The following CRB1 variants were observed in gnomAD, a reference collection of about 807,000 sequenced individuals.
The protein encoded by CRB1 is crumbs cell polarity complex component 1, also known as protein crumbs homolog 1.
A neutral mutation model predicts 120.0 loss-of-function variants in CRB1; 83 were observed. That is an observed-to-expected ratio of 0.69 (90% CI 0.58 to 0.83). CRB1 has a LOEUF of 0.83. CRB1 is among the 40% of genes least tolerant of loss of function. The pLI, the probability that CRB1 is intolerant of heterozygous loss-of-function variation, is 0.00. For synonymous variants in CRB1, 625 were observed against 612.5 expected, an observed-to-expected ratio of 1.02 and a Z score of -0.30; for missense variants, 1,699 against 1,687.6, an observed-to-expected ratio of 1.01 and a Z score of -0.12.
At chr1:197,271,000 G>A (rs971233493) in intron 1 of CRB1, among the ~76,000 whole-genome samples, 1 of 152,064 alleles carries the variant, frequency 6.6e-6, no homozygotes, top group African/African-American at 2.4e-5. Flanking sequence ...TTCAAGACCA[G>A]CCTGGGCAAC....
intron 1 of CRB1, among the ~76,000 whole-genome samples, chr1:197,311,115 C>G (rs191450911): frequency 6.6e-6 from 1 of 152,308 alleles, no homozygotes; most frequent in East Asian, 1.9e-4. Context: ...GCATTAGTCA[C>G]AGTAGCCAAG....
chr1:197,285,481 T>C (rs1028974595), intron 1 of CRB1, among the ~76,000 whole-genome samples: 2 of 151,938 alleles, frequency 1.3e-5, no homozygotes, highest in African/African-American at 4.8e-5. Flanking sequence ...TGTTACTACT[T>C]ATAAAGCCTC....
chr1:197,339,124 C>T (rs992381547), intron 2 of CRB1, among the ~76,000 whole-genome samples: 5 of 152,206 alleles, frequency 3.3e-5, no homozygotes, highest in African/African-American at 7.2e-5. Context: ...AGCCAGAAAT[C>T]TCATTGGCTA....
intron 11 of CRB1, among the ~76,000 whole-genome samples, chr1:197,447,952 A>G (rs954544181): frequency 5.9e-5 from 9 of 151,590 alleles, no homozygotes; most frequent in African/African-American, 2.2e-4. Flanking sequence ...CCCTATTGCT[A>G]TCTTCCAAGC....
At chr1:197,351,504 G>T (rs1465176896) in intron 4 of CRB1, among the ~76,000 whole-genome samples, 1 of 152,108 alleles carries the variant, frequency 6.6e-6, no homozygotes, top group Admixed American at 6.5e-5. Context: ...CTGGGGAGCA[G>T]GACTAAAGCC....
chr1:197,429,521 A>G lies in CRB1; in HGVS notation c.2749A>G (p.Thr917Ala). The G allele has an allele frequency of 6.2e-7, 1 of 1,613,844 alleles. No homozygotes were observed. The stretch of plus-strand genomic sequence containing the variant: ...CTTCTCCTGTTCCTGTCCTGCCCTC[A>G]CAAGTGGGAAAGCCTGTGAGGAGGT... ...DDFSCSCPAL[T>A]SGKACEEVQW... The change falls in exon 8 of 12, where the codon ACA becomes GCA. Residue 917 changes from threonine to alanine, a missense_variant. Physicochemically the swap from Thr to Ala is moderately conservative, Grantham distance 58 (BLOSUM62 0). Transcript: ENST00000367400.
chr1:197,394,465 T>C (rs993487), intron 5 of CRB1, among the ~76,000 whole-genome samples: 66,128 of 151,730 alleles, frequency 0.44, 15,417 homozygotes, highest in East Asian at 0.66. Context: ...GGGGTCGGCA[T>C]CCCAGCCCCC....
the CRB1 span, among the ~76,000 whole-genome samples, chr1:197,255,511 C>A: frequency 6.6e-6 from 1 of 151,998 alleles, no homozygotes; most frequent in Non-Finnish European, 1.5e-5. Flanking sequence ...ATCAAGTCAG[C>A]ACCTTTCAAC....
chr1:197,439,842 CCTCT>C (rs2125508632), intron 10 of CRB1: 1 of 152,290 alleles, frequency 6.6e-6, no homozygotes, highest in South Asian at 2.1e-4. Flanking sequence ...TTCTAGCTGG[CCTCT>C]TTTGCATCAC....
At chr1:197,416,312 A>G (rs894196377) in intron 5 of CRB1, among the ~76,000 whole-genome samples, 1 of 152,230 alleles carries the variant, frequency 6.6e-6, no homozygotes, top group African/African-American at 2.4e-5. Flanking sequence ...TTCATTATCT[A>G]TCATTCAAAG....
chr1:197,432,449 G>T (rs920277588), intron 8 of CRB1, among the ~76,000 whole-genome samples: 1 of 150,384 alleles, frequency 6.6e-6, no homozygotes, highest in African/African-American at 2.5e-5. Context: ...ATTTAATTAA[G>T]TCAAATAATA....
At chr1:197,345,825 C>A (rs954709531) in intron 3 of CRB1, among the ~76,000 whole-genome samples, 1 of 152,060 alleles carries the variant, frequency 6.6e-6, no homozygotes, top group African/African-American at 2.4e-5. Context: ...TTTAATAGAA[C>A]AATGTGGTTG....
At chr1:197,205,743 T>A in the CRB1 span, among the ~76,000 whole-genome samples, 1 of 152,088 alleles carries the variant, frequency 6.6e-6, no homozygotes, top group Non-Finnish European at 1.5e-5. Flanking sequence ...GTTTTGGTAT[T>A]AGGGTGATAC....
intron 1 of CRB1, among the ~76,000 whole-genome samples, chr1:197,324,436 A>C (rs1658381016): frequency 6.6e-6 from 1 of 152,206 alleles, no homozygotes; most frequent in South Asian, 2.1e-4. Context: ...TGTTTTTTAA[A>C]AAACTACTTT....
chr1:197,463,255 T>A (rs1424335909), intron 11 of CRB1, among the ~76,000 whole-genome samples: 1 of 152,160 alleles, frequency 6.6e-6, no homozygotes, highest in African/African-American at 2.4e-5. Flanking sequence ...AAAGACAGTT[T>A]ACCTCCTGAC....
chr1:197,283,998 T>C (rs1655683157), intron 1 of CRB1, among the ~76,000 whole-genome samples: 1 of 151,912 alleles, frequency 6.6e-6, no homozygotes, highest in Non-Finnish European at 1.5e-5. Context: ...AAAGATAGTT[T>C]ATTTCAATTA....
chr1:197,347,302 G>T lies in CRB1; in HGVS notation c.849-38G>T. 4 of 1,585,482 alleles carry T rather than the reference G, an allele frequency of 2.5e-6. No homozygotes were observed. In the South Asian group the frequency reaches 3.3e-5, roughly 13 times the overall value. On this transcript the variant is annotated intron_variant, in intron 3 of 11. Coordinates refer to ENST00000367400, the MANE Select transcript of CRB1 (RefSeq NM_201253.3). The stretch of plus-strand genomic sequence containing the variant: ...GTATAAAGATATCTGATCTCAATAT[G>T]ACTAAGAGTTGACATGAAAATTTCA...
Position 197,285,470 on chromosome 1 carries a change from G to A in CRB1, c.70+16988G>A, listed in dbSNP as rs531207238. Among the ~76,000 whole-genome samples the A allele has an allele frequency of 1.2e-4, 19 of 152,008 alleles. No homozygotes were observed. In the South Asian group the frequency reaches 3.7e-3, roughly 30 times the overall value. ...TCAAATTCTCATTTTTAACACATCAGTGTTACTACTTATAAAGCCTCTCTG... is the reference window on the plus strand; with the variant it reads ...TCAAATTCTCATTTTTAACACATCAATGTTACTACTTATAAAGCCTCTCTG... On this transcript the variant is annotated intron_variant, in intron 1 of 11. Transcript: ENST00000367400.
intron 8 of CRB1, among the ~76,000 whole-genome samples, chr1:197,433,414 A>G (rs997960722): frequency 2.0e-5 from 3 of 152,144 alleles, no homozygotes; most frequent in Non-Finnish European, 4.4e-5. Flanking sequence ...GTGTGATACA[A>G]TAAAAGTAGA....
Sources: allele counts gnomAD v4.1 joint callset (sites outside exome capture counted in the v4.1 genomes callset), GRCh38; gene constraint gnomAD v4.1.1; transcripts MANE v1.5; gene names NCBI Gene and HGNC (gene_info 2026-07-23, HGNC 2026-07-21).